SPIN1: variants seen among roughly 807,000 people sequenced by gnomAD.
SPIN1 encodes the protein spindlin-1.
In SPIN1, 3 loss-of-function variants were observed where a neutral mutation model predicts 26.0. The observed-to-expected ratio is 0.12, with a 90% CI of 0.05 to 0.30. SPIN1 has a LOEUF of 0.30. Ranked by LOEUF, SPIN1 falls within the 10% of genes least tolerant of loss-of-function variation. The pLI is 1.00. For synonymous variants in SPIN1, 101 were observed against 116.5 expected (o/e 0.87, Z 0.86); for missense variants, 126 against 333.4 (o/e 0.38, Z 4.84).
chr9:88,411,106 A>G (rs1035408033), intron 1 of SPIN1: 3 of 1,527,482 alleles, frequency 2.0e-6, no homozygotes, highest in African/African-American at 2.7e-5. Context: ...CTCTTAGGTG[A>G]TGTTCTTTAG....
chr9:88,410,895 A>G, intron 1 of SPIN1: 1 of 980,010 alleles, frequency 1.0e-6, no homozygotes, highest in Non-Finnish European at 1.6e-6. Context: ...TGGCTGGATG[A>G]AGCACTAGCC....
intron 2 of SPIN1, among the ~76,000 whole-genome samples, chr9:88,427,891 G>A (rs992606745): frequency 2.0e-5 from 3 of 152,042 alleles, no homozygotes; most frequent in Admixed American, 6.6e-5. Context: ...GAGCCACTGC[G>A]CCTGGCCAAA....
intron 1 of SPIN1, among the ~76,000 whole-genome samples, chr9:88,422,616 G>T (rs1827690373): frequency 6.6e-6 from 1 of 151,912 alleles, no homozygotes; most frequent in Non-Finnish European, 1.5e-5. Context: ...TCAGGTGGTT[G>T]AACTATTTAT....
chr9:88,433,920 A>G (rs1827938603), intron 2 of SPIN1, among the ~76,000 whole-genome samples: 1 of 151,938 alleles, frequency 6.6e-6, no homozygotes, highest in African/African-American at 2.4e-5. Flanking sequence ...TTTCTCATCA[A>G]CGTTATAAGG....
intron 5 of SPIN1, among the ~76,000 whole-genome samples, chr9:88,471,832 TTTTTTTCCTCC>T (rs1828794856): frequency 6.6e-6 from 1 of 152,068 alleles, no homozygotes; most frequent in Non-Finnish European, 1.5e-5. Context: ...GTCCTGCTTT[TTTTTTTCCTCC>T]TTTTTTTGAG....
Position 88,405,536 on chromosome 9 carries a change from C to CTTTT in SPIN1, c.-159+17015_-159+17018dup, listed in dbSNP as rs757565862. ...GCCACAGTGCCTGGCCTGTACTATC[C>CTTTT]TTTTTTTTTTTTTTTTTTTTCCCTG... On this transcript the variant is annotated intron_variant, in intron 1 of 5. Coordinates refer to ENST00000375859, the MANE Select transcript of SPIN1 (RefSeq NM_006717.3). 6.1e-3 allele frequency among the ~76,000 whole-genome samples: 676 copies of CTTTT among 110,714 alleles called. 7 individuals are homozygous for CTTTT. Among genetic ancestry groups the CTTTT allele is most frequent in the Non-Finnish European group, 9.0e-3 (517 of 57,316 alleles). 72.6% of individuals were successfully genotyped at this position (110,714 alleles called of 152,430 possible).
Position 88,392,682 on chromosome 9 carries a change from C to G in SPIN1, c.-159+4144C>G, listed in dbSNP as rs142082996. On this transcript the variant is annotated intron_variant, in intron 1 of 5. Coordinates refer to ENST00000375859, the MANE Select transcript of SPIN1 (RefSeq NM_006717.3). ...TATCTACCTAGCTACTATTTTCTAT[C>G]TATCCTCCTTTGTGAGTGTGTTTAT... Among the ~76,000 whole-genome samples, 895 of 152,130 alleles carry G rather than the reference C, an allele frequency of 5.9e-3. 8 individuals carry two copies. Among genetic ancestry groups the G allele is most frequent in the African/African-American group, 0.02 (841 of 41,476 alleles).
intron 1 of SPIN1, chr9:88,416,599 A>T (rs1587784875): frequency 6.6e-6 from 1 of 152,068 alleles, no homozygotes; most frequent in South Asian, 2.1e-4. Context: ...TTTTTTCCCT[A>T]AACTTTTTAA....
chr9:88,434,446 C>T (rs1240801160), intron 2 of SPIN1, among the ~76,000 whole-genome samples: 1 of 137,298 alleles, frequency 7.3e-6, no homozygotes, highest in Non-Finnish European at 1.5e-5. Flanking sequence ...TTACGGTTTT[C>T]TTCAACAAAT....
intron 2 of SPIN1, among the ~76,000 whole-genome samples, chr9:88,437,715 G>C (rs185895150): frequency 3.9e-5 from 6 of 152,106 alleles, no homozygotes. Context: ...ACTAGCTTTT[G>C]GTTTCATTGA....
chr9:88,416,878 C>T (rs1303509700), intron 1 of SPIN1: 2 of 152,278 alleles, frequency 1.3e-5, no homozygotes, highest in Non-Finnish European at 2.9e-5. Context: ...CCACCTCAGC[C>T]TCCCAAAGTG....
At chr9:88,406,351 C>G (rs1221525996) in intron 1 of SPIN1, among the ~76,000 whole-genome samples, 1 of 150,240 alleles carries the variant, frequency 6.7e-6, no homozygotes, top group East Asian at 2.0e-4. Flanking sequence ...GTTGCCGTGG[C>G]GCAGACTCGG....
rs964739556 is a variant in SPIN1, at chr9:88,461,214, G to C, written c.102-1282G>C. Among the ~76,000 whole-genome samples, 9 of 152,170 alleles carry C rather than the reference G, an allele frequency of 5.9e-5. No individual in the cohort carries two copies. In the South Asian group the frequency reaches 1.9e-3, roughly 32 times the overall value. ...TCCTGTCCTGGTCAGTAAGGATTGT[G>C]TACTCAGAAGGGCTTTGTCTTTCTG... is the stretch of plus-strand genomic sequence containing the variant. On this transcript the variant is annotated intron_variant, in intron 3 of 5. Transcript: ENST00000375859.
chr9:88,462,415 C>T (rs1828592704), intron 3 of SPIN1, 81 bp from the exon 4 acceptor site: 1 of 1,530,088 alleles, frequency 6.5e-7, no homozygotes, highest in Non-Finnish European at 8.8e-7. Flanking sequence ...GTAATGAGAT[C>T]ATGCTAGCCA....
At chr9:88,459,292 G>C (rs1009388824) in intron 3 of SPIN1, among the ~76,000 whole-genome samples, 1 of 152,162 alleles carries the variant, frequency 6.6e-6, no homozygotes, top group African/African-American at 2.4e-5. Context: ...AAGGATTCTT[G>C]TATTCTAAAG....
Position 88,408,737 on chromosome 9 carries a change from G to A in SPIN1, c.-158-17645G>A, listed in dbSNP as rs182345359. 3.7e-3 allele frequency among the ~76,000 whole-genome samples: 545 copies of A among 145,552 alleles called. 3 individuals are homozygous for A. Among genetic ancestry groups the A allele is most frequent in the Non-Finnish European group, 5.4e-3 (359 of 66,914 alleles). On this transcript the variant is annotated intron_variant, in intron 1 of 5. Coordinates refer to ENST00000375859, the MANE Select transcript of SPIN1 (RefSeq NM_006717.3). ...TGCTCAGGCTGGAGTGCAATGGCGC[G>A]ATCTCGGCTCACTGCAACCTCTGCC...
rs567590589 is a variant in SPIN1, at chr9:88,391,121, C to G, written c.-159+2583C>G. Among the ~76,000 whole-genome samples, 9 of 152,284 alleles carry G rather than the reference C, an allele frequency of 5.9e-5. No homozygotes were observed. In the East Asian group the frequency reaches 1.5e-3, roughly 26 times the overall value. On this transcript the variant is annotated intron_variant, in intron 1 of 5. Transcript: ENST00000375859. ...ACACACATAGGACACTTAGGACCTACTGGCTCTTTGGGTCACATCAGGGAG... is the reference window on the plus strand; with the variant it reads ...ACACACATAGGACACTTAGGACCTAGTGGCTCTTTGGGTCACATCAGGGAG...
chr9:88,442,702 T>TA (rs903425303), intron 2 of SPIN1, among the ~76,000 whole-genome samples: 5 of 152,234 alleles, frequency 3.3e-5, no homozygotes, highest in African/African-American at 1.2e-4. Flanking sequence ...TTTTTTTCTT[T>TA]ACCTTTGATT....
rs138551735 is a variant in SPIN1, at chr9:88,456,002, T to G, written c.102-6494T>G. Reference sequence around the variant, plus strand: ...ATACGTATATAGTTCATCATAGAGATAACGCTCTGAGCTTTTAAATTAATG... The same window carrying G: ...ATACGTATATAGTTCATCATAGAGAGAACGCTCTGAGCTTTTAAATTAATG... On this transcript the variant is annotated intron_variant, in intron 3 of 5. Transcript: ENST00000375859. Among the ~76,000 whole-genome samples the G allele has an allele frequency of 1.2e-4, 18 of 152,372 alleles. 1 individual carries two copies. In the East Asian group the frequency reaches 3.3e-3, roughly 28 times the overall value.
Sources: allele counts gnomAD v4.1 joint callset (sites outside exome capture counted in the v4.1 genomes callset), GRCh38; gene constraint gnomAD v4.1.1; transcripts MANE v1.5; gene names NCBI Gene and HGNC (gene_info 2026-07-23, HGNC 2026-07-21).